STAT5B: variants seen among roughly 807,000 people sequenced by gnomAD.
STAT5B encodes signal transducer and activator of transcription 5B.
In STAT5B, 21 loss-of-function variants were observed where a neutral mutation model predicts 107.8. The observed-to-expected ratio is 0.19, with a 90% CI of 0.14 to 0.28. STAT5B has a LOEUF of 0.28. Among genes scored for constraint, STAT5B ranks in the 10% least tolerant of loss-of-function variants. The pLI is 1.00. For missense variants in STAT5B, 565 were observed against 1,008.2 expected (o/e 0.56, Z 5.95); for synonymous variants, 325 against 401.7 (o/e 0.81, Z 2.28).
At chr17:42,254,976 A>G (rs1285594763) in intron 1 of STAT5B, among the ~76,000 whole-genome samples, 1 of 152,182 alleles carries the variant, frequency 6.6e-6, no homozygotes, top group Non-Finnish European at 1.5e-5. Context: ...CTGTAGTCCC[A>G]GCTACTTGGG....
upstream of STAT5B, among the ~76,000 whole-genome samples, chr17:42,277,460 C>CTTCTCT (rs2080775031): frequency 6.6e-6 from 1 of 152,168 alleles, no homozygotes; most frequent in African/African-American, 2.4e-5. Flanking sequence ...TTCCAGCGGC[C>CTTCTCT]TTCTCTTCAC....
chr17:42,262,859 C>CATATATGTGTGTGTATATATACACAT lies in STAT5B; in HGVS notation c.-11+13363_-11+13388dup, dbSNP rs1342899147. ...ACACACATATATATGTATATACACA[C>CATATATGTGTGTGTATATATACACAT]ATATATGTGTGTGTATATATACACA... On this transcript the variant is annotated intron_variant, in intron 1 of 18. Transcript: ENST00000293328. Among the ~76,000 whole-genome samples the CATATATGTGTGTGTATATATACACAT allele has an allele frequency of 3.1e-4, 35 of 114,542 alleles. 2 individuals are homozygous for CATATATGTGTGTGTATATATACACAT. The highest frequency in any genetic ancestry group is 9.6e-4 in the African/African-American group (29 of 30,054). 75.1% of individuals were successfully genotyped at this position (114,542 alleles called of 152,430 possible). A position where few individuals can be genotyped will look rare whatever the true frequency, so the allele number is the denominator to read the frequency against.
chr17:42,256,106 A>T (rs1238957884), intron 1 of STAT5B, among the ~76,000 whole-genome samples: 1 of 152,184 alleles, frequency 6.6e-6, no homozygotes, highest in African/African-American at 2.4e-5. Flanking sequence ...AAATTTTATG[A>T]TATATATACG....
At chr17:42,266,610 C>T (rs2080674758) in intron 1 of STAT5B, among the ~76,000 whole-genome samples, 1 of 150,936 alleles carries the variant, frequency 6.6e-6, no homozygotes, top group Non-Finnish European at 1.5e-5. Context: ...TGCAGTGACT[C>T]ATTCCTGTAA....
At chr17:42,265,908 T>C (rs546950533) in intron 1 of STAT5B, among the ~76,000 whole-genome samples, 1 of 152,300 alleles carries the variant, frequency 6.6e-6, no homozygotes, top group Non-Finnish European at 1.5e-5. Context: ...GTTCTTCTTT[T>C]GTTCATTTTC....
intron 8 of STAT5B, 36 bp downstream of exon 8, chr17:42,218,687 C>T (rs191296059): frequency 2.0e-4 from 315 of 1,611,902 alleles, no homozygotes; most frequent in Non-Finnish European, 2.6e-4. Flanking sequence ...AGGAGCTGCC[C>T]CAAGCTCCTG....
chr17:42,209,345 G>A (rs1459554298), intron 15 of STAT5B, among the ~76,000 whole-genome samples: 7 of 151,922 alleles, frequency 4.6e-5, no homozygotes, highest in South Asian at 2.1e-4. Context: ...ATGAGCCACC[G>A]CACCCAGCCA....
chr17:42,222,133 G>C (rs1478149341), intron 5 of STAT5B, among the ~76,000 whole-genome samples: 1 of 142,970 alleles, frequency 7.0e-6, no homozygotes, highest in East Asian at 2.1e-4. Flanking sequence ...GGGTGTGTGT[G>C]CTGTGTGTGT....
At chr17:42,278,055 T>C (rs56809790), upstream of STAT5B, among the ~76,000 whole-genome samples, 7,160 of 152,106 alleles carry the variant, frequency 0.047, 565 homozygotes, top group African/African-American at 0.16. Context: ...CGCACCTGAC[T>C]CATGTTTCTC....
At chr17:42,223,819 C>T (rs1343329382) in intron 4 of STAT5B, among the ~76,000 whole-genome samples, 2 of 152,096 alleles carry the variant, frequency 1.3e-5, no homozygotes, top group African/African-American at 2.4e-5. Flanking sequence ...GTATTCCAAA[C>T]GAGGTCCATT....
the STAT5B span, among the ~76,000 whole-genome samples, chr17:42,285,200 G>C: frequency 6.6e-6 from 1 of 150,684 alleles, no homozygotes; most frequent in African/African-American, 2.4e-5. Flanking sequence ...AGAGATTCTT[G>C]TGCCTCAGCC....
chr17:42,267,380 CT>C (rs751688692), intron 1 of STAT5B, among the ~76,000 whole-genome samples: 59 of 152,168 alleles, frequency 3.9e-4, no homozygotes, highest in Non-Finnish European at 6.9e-4. Context: ...GTTACTGCCC[CT>C]GAAGACCTTT....
intron 5 of STAT5B, 107 bp downstream of exon 5, chr17:42,223,275 C>T (rs1259760208): frequency 4.6e-6 from 7 of 1,530,060 alleles, no homozygotes; most frequent in African/African-American, 1.4e-5. Context: ...AGAGAAAGGT[C>T]GCTGCCTCCG....
At chr17:42,260,412 C>T (rs1053218669) in intron 1 of STAT5B, among the ~76,000 whole-genome samples, 7 of 151,826 alleles carry the variant, frequency 4.6e-5, no homozygotes, top group Admixed American at 6.6e-5. Context: ...CTTTTGGGTT[C>T]GTTTGTTTTT....
At chr17:42,283,415 G>A in the STAT5B span, among the ~76,000 whole-genome samples, 1 of 152,206 alleles carries the variant, frequency 6.6e-6, no homozygotes, top group Admixed American at 6.5e-5. Flanking sequence ...CACAGACTCT[G>A]CATCCTCTTC....
chr17:42,270,196 G>A (rs571107311), intron 1 of STAT5B, among the ~76,000 whole-genome samples: 7 of 152,242 alleles, frequency 4.6e-5, no homozygotes, highest in Admixed American at 1.3e-4. Context: ...GTGACAGAGC[G>A]AGGCTCTGTC....
chr17:42,227,618 G>T lies in STAT5B; in HGVS notation c.196C>A (p.Gln66Lys). 1 of 1,613,994 alleles carries T rather than the reference G, an allele frequency of 6.2e-7. No homozygotes were observed. The highest frequency in any genetic ancestry group is 1.1e-5 in the South Asian group (1 of 91,072). ...TGCTCTGCCTTCTTCTGCAGCTCCTGCACCAGGCCCTCCAGGAGCTGGGTG... is the reference window on the plus strand; with the variant it reads ...TGCTCTGCCTTCTTCTGCAGCTCCTTCACCAGGCCCTCCAGGAGCTGGGTG... ...KATQLLEGLV[Q>K]ELQKKAEHQV... The change falls in exon 3 of 19, where the codon CAG becomes AAG. Residue 66 changes from glutamine to lysine, a missense_variant. Around this residue, in one of 11 missense-constraint regions of STAT5B, gnomAD observed 83 missense variants for 145.1 expected, o/e 0.57. Coordinates refer to ENST00000293328, the MANE Select transcript of STAT5B (RefSeq NM_012448.4).
intron 1 of STAT5B, among the ~76,000 whole-genome samples, chr17:42,257,057 C>A (rs1377667763): frequency 1.3e-5 from 2 of 151,982 alleles, no homozygotes. Flanking sequence ...GGCAGGACTA[C>A]TATACTTATT....
At chr17:42,213,159 A>G (rs2080143016) in intron 12 of STAT5B, among the ~76,000 whole-genome samples, 1 of 152,196 alleles carries the variant, frequency 6.6e-6, no homozygotes, top group Admixed American at 6.6e-5. Flanking sequence ...TTCTTATGTT[A>G]TTTGACCCAC....
Sources: allele counts gnomAD v4.1 joint callset (sites outside exome capture counted in the v4.1 genomes callset), GRCh38; gene constraint gnomAD v4.1.1; regional missense constraint gnomAD v4.1.1; transcripts MANE v1.5; gene names NCBI Gene and HGNC (gene_info 2026-07-23, HGNC 2026-07-21).